Variants in NRCAM observed in about 807,000 individuals in gnomAD.
NRCAM encodes neuronal cell adhesion molecule.
NRCAM carries 83 observed loss-of-function variants against 156.5 expected under a neutral mutation model. The ratio of observed to expected loss-of-function variants is 0.53; its 90% CI spans 0.44 to 0.64. The LOEUF (loss-of-function observed/expected upper bound fraction) is 0.64, where lower values mean the gene tolerates loss of function less well. Ranked by LOEUF, NRCAM falls within the 30% of genes least tolerant of loss-of-function variation. The pLI is 0.00. For synonymous variants in NRCAM, 538 were observed against 563.9 expected, an observed-to-expected ratio of 0.95 and a Z score of 0.65; for missense variants, 1,417 against 1,597.3, an observed-to-expected ratio of 0.89 and a Z score of 1.92.
At chr7:108,239,713 C>T (rs2095406257) in intron 4 of NRCAM, among the ~76,000 whole-genome samples, 1 of 152,152 alleles carries the variant, frequency 6.6e-6, no homozygotes, top group Non-Finnish European at 1.5e-5. Context: ...GCAGGGCAGA[C>T]AAAAGGCACC....
At chr7:108,219,087 A>G (rs1437280021) in intron 11 of NRCAM, among the ~76,000 whole-genome samples, 1 of 152,184 alleles carries the variant, frequency 6.6e-6, no homozygotes, top group Non-Finnish European at 1.5e-5. Flanking sequence ...ACACCCTTAC[A>G]CACATAAACT....
chr7:108,338,595 A>AGAGAGAGAGACAGAGAG, intron 2 of NRCAM, among the ~76,000 whole-genome samples: 1 of 151,126 alleles, frequency 6.6e-6, no homozygotes, highest in South Asian at 2.1e-4. Flanking sequence ...AGGGAGAGAC[A>AGAGAGAGAGACAGAGAG]GAGAGAGAGA....
chr7:108,155,485 G>A (rs2044781654), intron 32 of NRCAM, among the ~76,000 whole-genome samples: 1 of 151,994 alleles, frequency 6.6e-6, no homozygotes, highest in Non-Finnish European at 1.5e-5. Context: ...CTATCACAAT[G>A]CTAAAACTGC....
chr7:108,234,527 CAG>C, intron 6 of NRCAM, 54 bp downstream of exon 6: 1 of 1,067,922 alleles, frequency 9.4e-7, no homozygotes, highest in Non-Finnish European at 1.4e-6. Context: ...TTTCTCTATT[CAG>C]AGAGATTTCC....
At chr7:108,169,005 GGAAGAGAA>G (rs1186100539) in intron 28 of NRCAM, among the ~76,000 whole-genome samples, 3 of 152,120 alleles carry the variant, frequency 2.0e-5, no homozygotes, top group African/African-American at 7.2e-5. Context: ...AGGGTATGTT[GGAAGAGAA>G]GCTGCAAAAG....
At chr7:108,233,209 C>G (rs2094524353) in intron 6 of NRCAM, among the ~76,000 whole-genome samples, 1 of 152,110 alleles carries the variant, frequency 6.6e-6, no homozygotes, top group Non-Finnish European at 1.5e-5. Flanking sequence ...AGTCACAGTG[C>G]TCATGTAATT....
chr7:108,270,275 G>C (rs1306604524), intron 3 of NRCAM, among the ~76,000 whole-genome samples: 1 of 152,182 alleles, frequency 6.6e-6, no homozygotes, highest in Non-Finnish European at 1.5e-5. Context: ...CTGGGCTTTA[G>C]GGTTTGCCAT....
chr7:108,316,513 C>T (rs574259732), intron 2 of NRCAM, among the ~76,000 whole-genome samples: 179 of 152,194 alleles, frequency 1.2e-3, no homozygotes, highest in Non-Finnish European at 1.9e-3. Flanking sequence ...CGGTGGCTCA[C>T]GCCTGTAATC....
chr7:108,200,737 T>TACACACACACAC lies in NRCAM; in HGVS notation c.1208-2650_1208-2639dup, dbSNP rs61489479. 4.4e-5 allele frequency among the ~76,000 whole-genome samples: 6 copies of TACACACACACAC among 135,070 alleles called. No individual in the cohort carries two copies. The South Asian group carries it at 8.0e-4, about 18-fold the overall frequency. 88.6% of individuals were successfully genotyped at this position (135,070 alleles called of 152,430 possible). A position where few individuals can be genotyped will look rare whatever the true frequency, so the allele number is the denominator to read the frequency against. On this transcript the variant is annotated intron_variant, in intron 13 of 32. Transcript: ENST00000379028. The stretch of plus-strand genomic sequence containing the variant: ...ATCAATCAATGAGTGGATAAAGAAA[T>TACACACACACAC]ACACACACACACACACACACACACA...
intron 2 of NRCAM, among the ~76,000 whole-genome samples, chr7:108,344,121 C>A (rs941498288): frequency 2.6e-5 from 4 of 152,126 alleles, no homozygotes; most frequent in Non-Finnish European, 5.9e-5. Context: ...CGGTCATCGG[C>A]CAACCTCCCC....
At chr7:108,298,654 AAAAAAACC>A (rs1392122618) in intron 3 of NRCAM, among the ~76,000 whole-genome samples, 61 of 71,330 alleles carry the variant, frequency 8.6e-4, no homozygotes, top group African/African-American at 2.0e-3. Context: ...CTCCATCTCA[AAAAAAACC>A]AAAAAAACAA....
chr7:108,405,847 A>C (rs2099805768), intron 1 of NRCAM, among the ~76,000 whole-genome samples: 1 of 152,160 alleles, frequency 6.6e-6, no homozygotes. Flanking sequence ...GGTCGGGTGC[A>C]GTGGCTCACG....
At chr7:108,244,207 C>T (rs1204820383) in intron 3 of NRCAM, among the ~76,000 whole-genome samples, 2 of 152,070 alleles carry the variant, frequency 1.3e-5, no homozygotes, top group Admixed American at 6.6e-5. Flanking sequence ...GGCTTTTCAG[C>T]ATCCCAACAT....
At chr7:108,279,103 C>T (rs1332199855) in intron 3 of NRCAM, among the ~76,000 whole-genome samples, 1 of 152,166 alleles carries the variant, frequency 6.6e-6, no homozygotes, top group Non-Finnish European at 1.5e-5. Flanking sequence ...AAAACACACC[C>T]AGATAAAGAC....
intron 11 of NRCAM, among the ~76,000 whole-genome samples, chr7:108,218,173 T>G (rs374108316): frequency 2.4e-4 from 28 of 118,680 alleles, no homozygotes; most frequent in African/African-American, 6.2e-4. Context: ...TTCCCTTGGC[T>G]GGGGGGGGGG....
intron 3 of NRCAM, among the ~76,000 whole-genome samples, chr7:108,262,802 C>A (rs2096934121): frequency 6.6e-6 from 1 of 152,168 alleles, no homozygotes. Context: ...AAGTGTTCTG[C>A]TTTGTTGGCT....
At chr7:108,351,323 C>T (rs920450954) in intron 2 of NRCAM, among the ~76,000 whole-genome samples, 10 of 152,112 alleles carry the variant, frequency 6.6e-5, no homozygotes, top group African/African-American at 2.4e-4. Context: ...TATAAATTAC[C>T]CAGTCTCAGG....
At chr7:108,313,121 G>A (rs2098826867) in intron 2 of NRCAM, 1 of 151,884 alleles carries the variant, frequency 6.6e-6, no homozygotes, top group South Asian at 2.1e-4. Flanking sequence ...AATTTTTTAG[G>A]TTATGTTTGA....
chr7:108,435,993 G>A (rs1563800626), intron 1 of NRCAM, among the ~76,000 whole-genome samples: 1 of 152,204 alleles, frequency 6.6e-6, no homozygotes, highest in Non-Finnish European at 1.5e-5. Context: ...AATTAGCCGG[G>A]CGTGTTGGCG....
Sources: allele counts gnomAD v4.1 joint callset (sites outside exome capture counted in the v4.1 genomes callset), GRCh38; gene constraint gnomAD v4.1.1; transcripts MANE v1.5; gene names NCBI Gene and HGNC (gene_info 2026-07-23, HGNC 2026-07-21).